CA10: variants seen among roughly 807,000 people sequenced by gnomAD.
CA10 encodes the protein carbonic anhydrase-related protein 10.
In CA10, 14 loss-of-function variants were observed where a neutral mutation model predicts 44.2. That is an observed-to-expected ratio of 0.32 (90% CI 0.21 to 0.50). CA10 has a LOEUF of 0.50. Ranked by LOEUF, CA10 falls within the 20% of genes least tolerant of loss-of-function variation. The pLI is 0.99. For missense variants in CA10, 350 were observed against 409.7 expected, an observed-to-expected ratio of 0.85 and a Z score of 1.26; for synonymous variants, 159 against 141.6, an observed-to-expected ratio of 1.12 and a Z score of -0.87.
intron 3 of CA10, among the ~76,000 whole-genome samples, chr17:51,833,423 C>T (rs1908356806): frequency 6.6e-6 from 1 of 152,230 alleles, no homozygotes; most frequent in African/African-American, 2.4e-5. Context: ...CTCCCAACTT[C>T]TAGCCAGCTG....
Position 52,090,700 on chromosome 17 carries a change from T to C in CA10, c.62-18307A>G, listed in dbSNP as rs550197156. On this transcript the variant is annotated intron_variant, in intron 1 of 8. Transcript: ENST00000451037. The stretch of plus-strand genomic sequence containing the variant: ...AGTTAATGTAGGTTCCTCTTTGTCC[T>C]AAACCTAAGGGTTTTTTATGCATTC... Among the ~76,000 whole-genome samples, 374 of 152,276 alleles carry C rather than the reference T, an allele frequency of 2.5e-3. 2 individuals carry two copies. The highest frequency in any genetic ancestry group is 8.5e-3 in the African/African-American group (354 of 41,568).
chr17:51,949,308 T>C (rs1983397599), intron 2 of CA10, among the ~76,000 whole-genome samples: 1 of 152,198 alleles, frequency 6.6e-6, no homozygotes, highest in Non-Finnish European at 1.5e-5. Flanking sequence ...TAAATATAAC[T>C]AAAACCAACT....
intron 3 of CA10, among the ~76,000 whole-genome samples, chr17:51,914,164 A>C (rs535257795): frequency 2.0e-5 from 3 of 152,174 alleles, no homozygotes; most frequent in Non-Finnish European, 4.4e-5. Context: ...AAGTGCAATC[A>C]TGCTTTTGGG....
At chr17:51,664,952 A>G (rs1391361349) in intron 4 of CA10, among the ~76,000 whole-genome samples, 1 of 152,142 alleles carries the variant, frequency 6.6e-6, no homozygotes, top group Admixed American at 6.6e-5. Context: ...AGCTCACTTC[A>G]CAGTTAGTCC....
rs1988184350 is a variant in CA10 at position 52,088,745 on chromosome 17, G to A, written c.62-16352C>T. Among the ~76,000 whole-genome samples the A allele has an allele frequency of 2.0e-5, 3 of 152,128 alleles. No homozygotes were observed. In the South Asian group the frequency reaches 6.2e-4, roughly 31 times the overall value. ...TTTCTGAGAATGCCAAGAACACTGTGTTTTTGTTATAAATGTTACATGCCA... is the reference window on the plus strand; with the variant it reads ...TTTCTGAGAATGCCAAGAACACTGTATTTTTGTTATAAATGTTACATGCCA... On this transcript the variant is annotated intron_variant, in intron 1 of 8. Coordinates refer to ENST00000451037, the MANE Select transcript of CA10 (RefSeq NM_020178.5).
chr17:51,811,775 A>G (rs1907377024), intron 3 of CA10, among the ~76,000 whole-genome samples: 1 of 152,136 alleles, frequency 6.6e-6, no homozygotes, highest in South Asian at 2.1e-4. Flanking sequence ...TAGTAGCATG[A>G]TTTACTATGA....
At chr17:52,016,814 G>A (rs2144145717) in intron 2 of CA10, among the ~76,000 whole-genome samples, 1 of 152,264 alleles carries the variant, frequency 6.6e-6, no homozygotes. Context: ...TCAGGAGGCT[G>A]AGGTGGGAGA....
rs146959332 is a variant in CA10, at chr17:51,919,629, C to T, written c.279+11361G>A. Among the ~76,000 whole-genome samples, 20 of 152,104 alleles carry T rather than the reference C, an allele frequency of 1.3e-4. No homozygotes were observed. The East Asian group carries it at 2.5e-3, about 19-fold the overall frequency. The stretch of plus-strand genomic sequence containing the variant: ...AAGAGGCTGGTTGTTTTGTAAAATG[C>T]CTGTTAGTTGTTCTCTTTGTTTGAT... On this transcript the variant is annotated intron_variant, in intron 3 of 8. Coordinates refer to ENST00000451037, the MANE Select transcript of CA10 (RefSeq NM_020178.5).
At chr17:51,766,047 C>T (rs542080479) in intron 3 of CA10, among the ~76,000 whole-genome samples, 92 of 152,100 alleles carry the variant, frequency 6.0e-4, no homozygotes, top group African/African-American at 7.5e-4. Flanking sequence ...CAGGAATGCT[C>T]GGAAGTAAGC....
At chr17:51,970,740 G>T (rs1308144629) in intron 2 of CA10, among the ~76,000 whole-genome samples, 1 of 151,926 alleles carries the variant, frequency 6.6e-6, no homozygotes, top group East Asian at 1.9e-4. Flanking sequence ...ATTGTGTTTT[G>T]TTTATTCTGC....
intron 3 of CA10, among the ~76,000 whole-genome samples, chr17:51,927,715 A>C (rs1457188716): frequency 1.3e-5 from 2 of 152,202 alleles, no homozygotes; most frequent in Non-Finnish European, 2.9e-5. Flanking sequence ...TTACAAGTTC[A>C]ATGGCTAACA....
chr17:51,902,016 T>G (rs916916881), intron 3 of CA10, among the ~76,000 whole-genome samples: 1 of 152,184 alleles, frequency 6.6e-6, no homozygotes, highest in Non-Finnish European at 1.5e-5. Flanking sequence ...TAATAGCTGC[T>G]GGTTCTCAAA....
intron 4 of CA10, among the ~76,000 whole-genome samples, chr17:51,712,498 G>A (rs1915972328): frequency 6.6e-6 from 1 of 152,158 alleles, no homozygotes; most frequent in African/African-American, 2.4e-5. Context: ...CAGGAATAGA[G>A]ACATTTAAAG....
At chr17:51,985,681 A>T (rs961030884) in intron 2 of CA10, among the ~76,000 whole-genome samples, 2 of 152,062 alleles carry the variant, frequency 1.3e-5, no homozygotes, top group African/African-American at 4.8e-5. Context: ...ATTAATATAC[A>T]CAAATCAGTA....
chr17:51,687,472 G>A (rs1038819885), intron 4 of CA10, among the ~76,000 whole-genome samples: 1 of 152,160 alleles, frequency 6.6e-6, no homozygotes, highest in Non-Finnish European at 1.5e-5. Context: ...CATACTAGGT[G>A]CTCAATAAAT....
At chr17:52,034,289 AGTGT>A (rs1001887146) in intron 2 of CA10, among the ~76,000 whole-genome samples, 1 of 152,166 alleles carries the variant, frequency 6.6e-6, no homozygotes, top group African/African-American at 2.4e-5. Context: ...TGGTTTCATG[AGTGT>A]GTATTTATCT....
chr17:52,011,617 C>A (rs554635464), intron 2 of CA10, among the ~76,000 whole-genome samples: 2 of 151,934 alleles, frequency 1.3e-5, no homozygotes, highest in South Asian at 2.1e-4. Context: ...TACTATATAC[C>A]AATGCTCTGT....
chr17:52,087,367 C>T (rs1407645176), intron 1 of CA10, among the ~76,000 whole-genome samples: 1 of 152,194 alleles, frequency 6.6e-6, no homozygotes, highest in African/African-American at 2.4e-5. Context: ...GTCTCAAACT[C>T]CTCACCTGAG....
chr17:52,031,899 G>A (rs528114265), intron 2 of CA10, among the ~76,000 whole-genome samples: 30 of 152,138 alleles, frequency 2.0e-4, no homozygotes, highest in African/African-American at 4.8e-4. Context: ...TCTAGTTACC[G>A]TGACCACATA....
Sources: allele counts gnomAD v4.1 joint callset (sites outside exome capture counted in the v4.1 genomes callset), GRCh38; gene constraint gnomAD v4.1.1; transcripts MANE v1.5; gene names NCBI Gene and HGNC (gene_info 2026-07-23, HGNC 2026-07-21).